SEMA3D: variants seen among roughly 807,000 people sequenced by gnomAD.
SEMA3D encodes the protein semaphorin 3D, also known as semaphorin-3D.
Under a neutral mutation model 100.1 loss-of-function variants are expected in SEMA3D, and 84 were observed. The observed-to-expected ratio is 0.84, with a 90% CI of 0.70 to 1.01. The LOEUF (loss-of-function observed/expected upper bound fraction) is 1.01. Ranked by LOEUF, SEMA3D falls within the 50% of genes least tolerant of loss-of-function variation. The pLI, the probability that SEMA3D is intolerant of heterozygous loss-of-function variation, is 0.00. For missense variants in SEMA3D, 875 were observed against 934.1 expected, an observed-to-expected ratio of 0.94 and a Z score of 0.82; for synonymous variants, 312 against 320.7, an observed-to-expected ratio of 0.97 and a Z score of 0.29.
chr7:85,146,046 A>G (rs1432766993), intron 2 of SEMA3D, among the ~76,000 whole-genome samples: 1 of 152,116 alleles, frequency 6.6e-6, no homozygotes, highest in East Asian at 1.9e-4. Flanking sequence ...TTTGATCTAT[A>G]GTTGGTTGAG....
At chr7:85,249,270 C>CCAAT in the SEMA3D span, among the ~76,000 whole-genome samples, 5 of 152,094 alleles carry the variant, frequency 3.3e-5, no homozygotes, top group Non-Finnish European at 7.4e-5. Context: ...AAACATCTGA[C>CCAAT]CAATTATCTT....
At chr7:85,242,073 T>G in the SEMA3D span, among the ~76,000 whole-genome samples, 1 of 152,124 alleles carries the variant, frequency 6.6e-6, no homozygotes, top group African/African-American at 2.4e-5. Flanking sequence ...CTTTGTTTTC[T>G]GCTTTGTTAA....
At chr7:85,144,875 G>A (rs1387781632) in intron 2 of SEMA3D, among the ~76,000 whole-genome samples, 1 of 152,084 alleles carries the variant, frequency 6.6e-6, no homozygotes, top group Non-Finnish European at 1.5e-5. Context: ...TCTGGCTTTG[G>A]TGTCCACTGT....
chr7:85,062,775 C>T (rs929274696), intron 8 of SEMA3D, among the ~76,000 whole-genome samples: 8 of 151,970 alleles, frequency 5.3e-5, no homozygotes, highest in Non-Finnish European at 7.4e-5. Flanking sequence ...TGGAAGTCAT[C>T]CAAATAAATT....
At chr7:85,050,080 C>CACACACAA in intron 9 of SEMA3D, among the ~76,000 whole-genome samples, 1 of 128,652 alleles carries the variant, frequency 7.8e-6, no homozygotes, top group Non-Finnish European at 1.6e-5. Flanking sequence ...GAAACACACA[C>CACACACAA]ACACACACAC....
At chr7:85,007,112 T>C (rs2115748485) in intron 17 of SEMA3D, among the ~76,000 whole-genome samples, 171 bp from the exon 18 acceptor site, 1 of 152,018 alleles carries the variant, frequency 6.6e-6, no homozygotes, top group East Asian at 1.9e-4. Context: ...CACAACAGAT[T>C]GATTTTTAAA....
intron 5 of SEMA3D, among the ~76,000 whole-genome samples, chr7:85,078,472 G>A (rs1054575856): frequency 6.6e-6 from 1 of 152,104 alleles, no homozygotes; most frequent in African/African-American, 2.4e-5. Context: ...GACAAACAGA[G>A]CCCAGGCTAC....
Position 85,022,536 on chromosome 7 carries a change from C to G in SEMA3D, c.1269G>C (p.Arg423=). The G allele has an allele frequency of 6.2e-7, 1 of 1,612,388 alleles. No individual in the cohort carries two copies. Among genetic ancestry groups the G allele is most frequent in the Non-Finnish European group, 8.5e-7 (1 of 1,178,846 alleles). ...FPDDVISFIK[R]HSVMYKSVYP... ...ATACGGACTTATACATCACAGAGTG[C>G]CGCTTTATGAAACTGATGACATCAT... Residue 423 remains arginine (R), a synonymous_variant, in exon 13 of 19, where the codon CGG becomes CGC. Transcript: ENST00000284136.
chr7:85,141,772 A>G (rs1242095193), intron 2 of SEMA3D: 9 of 804,584 alleles, frequency 1.1e-5, no homozygotes, highest in Non-Finnish European at 1.4e-5. Context: ...GGTTTTTGCC[A>G]AGTCTCATAA....
At chr7:85,200,788 G>A in the SEMA3D span, among the ~76,000 whole-genome samples, 1 of 152,146 alleles carries the variant, frequency 6.6e-6, no homozygotes, top group Non-Finnish European at 1.5e-5. Context: ...GGAGGCTTGG[G>A]GGAAAAAATG....
At chr7:85,017,653 A>G (rs1167619967) in intron 15 of SEMA3D, among the ~76,000 whole-genome samples, 2 of 151,794 alleles carry the variant, frequency 1.3e-5, no homozygotes, top group Non-Finnish European at 2.9e-5. Context: ...TTGGAATATC[A>G]TATCAGAGAG....
At chr7:85,007,594 AAC>A (rs1225908275) in intron 17 of SEMA3D, among the ~76,000 whole-genome samples, 3 of 151,816 alleles carry the variant, frequency 2.0e-5, no homozygotes, top group Non-Finnish European at 4.4e-5. Flanking sequence ...TGCTTAAAGG[AAC>A]AGTGTCTCAG....
intron 12 of SEMA3D, among the ~76,000 whole-genome samples, chr7:85,035,802 A>G (rs1398758534): frequency 2.0e-5 from 3 of 146,582 alleles, no homozygotes; most frequent in African/African-American, 8.2e-5. Flanking sequence ...ATATTGTTTG[A>G]AAAAAAACAT....
At chr7:85,181,959 G>A in intron 1 of SEMA3D, 2 of 155,160 alleles carry the variant, frequency 1.3e-5, no homozygotes, top group Non-Finnish European at 2.8e-5. Flanking sequence ...ACTTACCTAT[G>A]TATAGGTGTT....
intron 7 of SEMA3D, 89 bp downstream of exon 7, chr7:85,068,102 C>T: frequency 2.6e-6 from 2 of 774,564 alleles, no homozygotes; most frequent in Non-Finnish European, 4.4e-6. Flanking sequence ...TAAAAAATTA[C>T]CTTTAACTCA....
chr7:85,239,434 C>G, the SEMA3D span, among the ~76,000 whole-genome samples: 1 of 152,168 alleles, frequency 6.6e-6, no homozygotes, highest in Non-Finnish European at 1.5e-5. Flanking sequence ...CCTGCTGGTG[C>G]TTTGCTTTTG....
intron 8 of SEMA3D, among the ~76,000 whole-genome samples, chr7:85,057,878 C>G (rs1460885428): frequency 6.6e-6 from 1 of 152,036 alleles, no homozygotes; most frequent in Non-Finnish European, 1.5e-5. Context: ...TTGTAGAGAG[C>G]CGAGATCACA....
intron 3 of SEMA3D, among the ~76,000 whole-genome samples, chr7:85,118,668 G>C (rs563008110): frequency 6.6e-6 from 1 of 152,212 alleles, no homozygotes; most frequent in African/African-American, 2.4e-5. Flanking sequence ...CTTTATATTA[G>C]ATGTTTGTCA....
intron 12 of SEMA3D, among the ~76,000 whole-genome samples, chr7:85,033,557 AT>A (rs1790604191): frequency 6.6e-6 from 1 of 152,128 alleles, no homozygotes; most frequent in Admixed American, 6.6e-5. Context: ...ATTTCTGAGT[AT>A]TATAGGACTC....
Sources: gnomAD v4.1 joint callset for allele counts (sites outside exome capture counted in the v4.1 genomes callset) on GRCh38, gnomAD v4.1.1 for gene constraint, MANE v1.5 for transcripts, NCBI Gene and HGNC (gene_info 2026-07-23, HGNC 2026-07-21) for gene names.